Variants in ATAD5 observed in about 807,000 individuals in gnomAD.
ATAD5 encodes ATPase family AAA domain containing 5.
A neutral mutation model predicts 176.9 loss-of-function variants in ATAD5; 58 were observed. That is an observed-to-expected ratio of 0.33 (90% CI 0.27 to 0.41). The LOEUF is 0.41. ATAD5 is among the 10% of genes least tolerant of loss of function. The pLI is 1.00. For synonymous variants in ATAD5, 640 were observed against 712.6 expected (o/e 0.90, Z 1.62); for missense variants, 1,789 against 2,094.1 (o/e 0.85, Z 2.84).
At position 30,858,276 on chromosome 17, in the gene ATAD5, A is replaced by T; in HGVS notation, c.2909A>T (p.Lys970Ile). 6.3e-7 allele frequency: 1 copy of T among 1,586,710 alleles called. No individual in the cohort carries two copies. The highest frequency in any genetic ancestry group is 8.6e-7 in the Non-Finnish European group (1 of 1,166,580). The change falls in exon 9 of 23, where the codon AAA becomes ATA. Residue 970 changes from lysine to isoleucine, a missense_variant. Around this residue, in one of 6 missense-constraint regions of ATAD5, gnomAD observed 487 missense variants for 573.6 expected, o/e 0.85. Coordinates refer to ENST00000321990, the MANE Select transcript of ATAD5 (RefSeq NM_024857.5). Reference protein sequence around the residue: ...LKKYFPLLLKKQIEHQVLSSE... With the variant: ...LKKYFPLLLKIQIEHQVLSSE... ...AAATATTTTCCCTTACTCCTAAAAAAACAAATTGAGCACCAAGTACTTTCT... is the reference window on the plus strand; with the variant it reads ...AAATATTTTCCCTTACTCCTAAAAATACAAATTGAGCACCAAGTACTTTCT...
intron 6 of ATAD5, among the ~76,000 whole-genome samples, chr17:30,851,549 G>C (rs1906972636): frequency 2.0e-5 from 3 of 151,398 alleles, no homozygotes; most frequent in Admixed American, 6.6e-5. Flanking sequence ...GCTCACACCT[G>C]TAATCCCAAC....
chr17:30,868,618 T>TCC (rs1350839187), intron 12 of ATAD5, among the ~76,000 whole-genome samples: 5 of 150,898 alleles, frequency 3.3e-5, no homozygotes, highest in Non-Finnish European at 5.9e-5. Context: ...GTGATTCTCA[T>TCC]GCCTCAGCCT....
intron 14 of ATAD5, among the ~76,000 whole-genome samples, chr17:30,872,618 C>A (rs889080505): frequency 1.1e-4 from 16 of 148,978 alleles, no homozygotes; most frequent in African/African-American, 3.7e-4. Flanking sequence ...TGCAGTGGTG[C>A]GATCTTGGTG....
chr17:30,841,538 CTT>C (rs947696472), intron 4 of ATAD5, among the ~76,000 whole-genome samples: 1 of 152,110 alleles, frequency 6.6e-6, no homozygotes, highest in Non-Finnish European at 1.5e-5. Context: ...AATTCAGTGA[CTT>C]TTGTATATTG....
chr17:30,851,419 C>T (rs1372966891), intron 6 of ATAD5, among the ~76,000 whole-genome samples: 2 of 150,240 alleles, frequency 1.3e-5, no homozygotes, highest in African/African-American at 4.9e-5. Context: ...TGGCGTGAAC[C>T]TGGGAGGTGG....
intron 9 of ATAD5, among the ~76,000 whole-genome samples, chr17:30,859,257 G>C (rs140216147): frequency 3.7e-4 from 57 of 152,316 alleles, no homozygotes; most frequent in African/African-American, 1.3e-3. Flanking sequence ...GAATGCCTTA[G>C]ATAATTTTAG....
At chr17:30,881,958 T>TA (rs915101510) in intron 18 of ATAD5, among the ~76,000 whole-genome samples, 1 of 149,030 alleles carries the variant, frequency 6.7e-6, no homozygotes, top group African/African-American at 2.5e-5. Flanking sequence ...CATAATTGAA[T>TA]ATTTTTAAAA....
intron 18 of ATAD5, among the ~76,000 whole-genome samples, chr17:30,880,625 A>G (rs1908958002): frequency 6.6e-6 from 1 of 151,096 alleles, no homozygotes; most frequent in South Asian, 2.1e-4. Context: ...AAAAAAAAAG[A>G]AAAAAGAGCT....
At chr17:30,873,466 C>T (rs976104610) in intron 14 of ATAD5, among the ~76,000 whole-genome samples, 11 of 151,768 alleles carry the variant, frequency 7.2e-5, no homozygotes, top group South Asian at 2.1e-4. Context: ...TACAGGTGTG[C>T]GCCACCATGC....
chr17:30,851,910 GATCTT>G (rs1392336456), intron 6 of ATAD5, among the ~76,000 whole-genome samples: 1 of 152,188 alleles, frequency 6.6e-6, no homozygotes, highest in Non-Finnish European at 1.5e-5. Context: ...ATAGAGACTA[GATCTT>G]ACTATTTTGC....
chr17:30,894,282 C>A, intron 21 of ATAD5, 132 bp downstream of exon 21: 1 of 840,994 alleles, frequency 1.2e-6, no homozygotes, highest in Non-Finnish European at 1.7e-6. Flanking sequence ...AATGTAGCTT[C>A]TAATGAGATA....
chr17:30,892,909 T>C, intron 20 of ATAD5, 121 bp downstream of exon 20: 2 of 864,464 alleles, frequency 2.3e-6, no homozygotes, highest in Non-Finnish European at 3.4e-6. Context: ...GTATAAGCCT[T>C]AGGTCTCTGA....
Position 30,869,307 on chromosome 17 carries a change from T to C in ATAD5, c.3373T>C (p.Cys1125Arg). Residue 1125 changes from cysteine to arginine, a missense_variant, in exon 13 of 23, where the codon TGC becomes CGC. Cys to Arg is a radical substitution (Grantham distance 180). This residue lies in a region of ATAD5 where 487 missense variants were observed against 573.6 expected (regional missense o/e 0.85). Coordinates refer to ENST00000321990, the MANE Select transcript of ATAD5 (RefSeq NM_024857.5). ...AGATGATGAAGAAGAGAGTCGTCTT[T>C]GCAATACTGTCCTTATAACAGGGCC... ...SSDDEEESRL[C>R]NTVLITGPTG... is the part of the protein sequence containing the mutation. 1 of 1,614,072 alleles carries C rather than the reference T, an allele frequency of 6.2e-7. No individual in the cohort carries two copies. Among genetic ancestry groups the C allele is most frequent in the Non-Finnish European group, 8.5e-7 (1 of 1,179,992 alleles).
intron 18 of ATAD5, among the ~76,000 whole-genome samples, chr17:30,884,424 C>CTTTTTTTTTTTTTTTTTTTTTTT (rs61664127): frequency 3.7e-5 from 3 of 80,966 alleles, no homozygotes; most frequent in African/African-American, 1.2e-4. Context: ...CTTTTCTTTT[C>CTTTTTTTTTTTTTTTTTTTTTTT]TTTTTTTTTT....
intron 6 of ATAD5, among the ~76,000 whole-genome samples, chr17:30,845,704 A>T (rs972736403): frequency 2.0e-5 from 3 of 152,210 alleles, no homozygotes; most frequent in Admixed American, 6.6e-5. Flanking sequence ...TTTGGATTTT[A>T]GAAGTTTAAT....
intron 20 of ATAD5, 125 bp downstream of exon 20, chr17:30,892,913 T>C: frequency 1.2e-6 from 1 of 828,814 alleles, no homozygotes; most frequent in Non-Finnish European, 1.8e-6. Context: ...AAGCCTTAGG[T>C]CTCTGATTTT....
rs755518278 is a variant in ATAD5, at chr17:30,860,541, A to T, written c.3065A>T (p.Lys1022Met). Reference sequence around the variant, plus strand: ...AATGAGTATTCAAAAAATCTGGAGAAGACCAATAGGAAGTCAGAAGAACTT... The same window carrying T: ...AATGAGTATTCAAAAAATCTGGAGATGACCAATAGGAAGTCAGAAGAACTT... ...KPNEYSKNLE[K>M]TNRKSEELSK... The change falls in exon 10 of 23, where the codon AAG (lysine) becomes ATG (methionine). Residue 1022 changes from lysine to methionine, a missense_variant. By Grantham distance (95) the Lys-to-Met change is moderately conservative (BLOSUM62 -1). This residue lies in a region of ATAD5 where 487 missense variants were observed against 573.6 expected (regional missense o/e 0.85). Transcript: ENST00000321990. The T allele has an allele frequency of 6.3e-7, 1 of 1,599,162 alleles. No individual in the cohort carries two copies. Among genetic ancestry groups the T allele is most frequent in the Non-Finnish European group, 8.5e-7 (1 of 1,176,958 alleles).
chr17:30,860,666 G>A (rs1907575862), intron 10 of ATAD5, 54 bp downstream of exon 10: 2 of 1,386,440 alleles, frequency 1.4e-6, no homozygotes, highest in Non-Finnish European at 1.9e-6. Flanking sequence ...GACATGCAAA[G>A]TGGAAACCAA....
rs1421214823 is a variant in ATAD5, at chr17:30,877,984, A to G, written c.3919-19A>G. The G allele has an allele frequency of 2.7e-6, 4 of 1,504,670 alleles. No homozygotes were observed. Among genetic ancestry groups the G allele is most frequent in the Non-Finnish European group, 3.7e-6 (4 of 1,085,888 alleles). The allele number at this position is 1,504,670 out of a possible 1,614,324, so 93.2% of individuals were successfully genotyped here. A position where few individuals can be genotyped will look rare whatever the true frequency, so the allele number is the denominator to read the frequency against. On this transcript the variant is annotated intron_variant, in intron 16 of 22. Coordinates refer to ENST00000321990, the MANE Select transcript of ATAD5 (RefSeq NM_024857.5). ...TATTAGTAAGTGTATTAATATATTA[A>G]TATTCTAATAAACTGTAGGTTGATG...
Sources: gnomAD v4.1 joint callset for allele counts (sites outside exome capture counted in the v4.1 genomes callset) on GRCh38, gnomAD v4.1.1 for gene constraint, gnomAD v4.1.1 regional missense constraint, MANE v1.5 for transcripts, NCBI Gene and HGNC (gene_info 2026-07-23, HGNC 2026-07-21) for gene names.